The following LRRTM4 variants were observed in gnomAD, a reference collection of about 807,000 sequenced individuals.
LRRTM4 encodes leucine-rich repeat transmembrane neuronal protein 4.
In LRRTM4, 25 loss-of-function variants were observed where a neutral mutation model predicts 47.6. The ratio of observed to expected loss-of-function variants is 0.53; its 90% CI spans 0.38 to 0.73. The LOEUF (loss-of-function observed/expected upper bound fraction) is 0.73, where lower values mean the gene tolerates loss of function less well. Ranked by LOEUF, LRRTM4 falls within the 30% of genes least tolerant of loss-of-function variation. The pLI is 0.00. For synonymous variants in LRRTM4, 311 were observed against 269.5 expected (o/e 1.15, Z -1.51); for missense variants, 638 against 713.4 (o/e 0.89, Z 1.20).
At chr2:76,781,241 C>T (rs1020710488) in intron 3 of LRRTM4, among the ~76,000 whole-genome samples, 1 of 152,242 alleles carries the variant, frequency 6.6e-6, no homozygotes, top group Non-Finnish European at 1.5e-5. Context: ...GTGGAGCCTA[C>T]AGAGGCAGGC....
At chr2:77,286,632 G>A (rs1676667662) in intron 3 of LRRTM4, among the ~76,000 whole-genome samples, 1 of 150,702 alleles carries the variant, frequency 6.6e-6, no homozygotes, top group Admixed American at 6.6e-5. Context: ...AAAGAAGAAA[G>A]TCATACTGTA....
At chr2:77,328,022 A>T (rs1204705718) in intron 3 of LRRTM4, among the ~76,000 whole-genome samples, 2 of 152,156 alleles carry the variant, frequency 1.3e-5, no homozygotes, top group African/African-American at 4.8e-5. Context: ...CATTTCACAG[A>T]TTTACAACTG....
rs1252814241 is a variant in LRRTM4 at position 77,465,924 on chromosome 2, A to G, written c.1551+52394T>C. ...AGGGAGCTGGCACCTAGGTAATGAT[A>G]AAAGCAGCAGGCTTCTCAAATGCAA... On this transcript the variant is annotated intron_variant, in intron 3 of 3. Coordinates refer to ENST00000409884, the MANE Select transcript of LRRTM4 (RefSeq NM_001134745.3). 7.9e-3 allele frequency among the ~76,000 whole-genome samples: 1,205 copies of G among 152,254 alleles called. 5 individuals are homozygous for G. The highest frequency in any genetic ancestry group is 0.012 in the Non-Finnish European group (788 of 68,012).
At chr2:77,052,137 A>G (rs1034100399) in intron 3 of LRRTM4, among the ~76,000 whole-genome samples, 2 of 143,902 alleles carry the variant, frequency 1.4e-5, no homozygotes, top group Non-Finnish European at 3.0e-5. Context: ...AAAAAAAAAT[A>G]CCGTTACATT....
intron 3 of LRRTM4, among the ~76,000 whole-genome samples, chr2:76,926,262 A>G (rs1325583205): frequency 6.6e-6 from 1 of 152,110 alleles, no homozygotes; most frequent in African/African-American, 2.4e-5. Context: ...CTTTTTAAAC[A>G]TAGAGAAAAT....
chr2:76,797,244 C>G (rs1038982699), intron 3 of LRRTM4, among the ~76,000 whole-genome samples: 3 of 151,914 alleles, frequency 2.0e-5, no homozygotes, highest in African/African-American at 7.3e-5. Flanking sequence ...AAAGGGAAGC[C>G]CATCAGACAA....
intron 3 of LRRTM4, among the ~76,000 whole-genome samples, chr2:76,802,901 C>T (rs905691145): frequency 6.6e-6 from 1 of 151,970 alleles, no homozygotes; most frequent in Non-Finnish European, 1.5e-5. Flanking sequence ...TATTCATTTG[C>T]AGAAAAATGA....
At chr2:76,841,280 T>TG (rs1671668332) in intron 3 of LRRTM4, among the ~76,000 whole-genome samples, 1 of 121,952 alleles carries the variant, frequency 8.2e-6, no homozygotes, top group South Asian at 2.7e-4. Context: ...TGTTGTGGGG[T>TG]GGGGGGAGTG....
At chr2:76,956,026 G>T (rs550659758) in intron 3 of LRRTM4, among the ~76,000 whole-genome samples, 26 of 151,032 alleles carry the variant, frequency 1.7e-4, no homozygotes, top group Non-Finnish European at 3.2e-4. Context: ...AAAGCCTAGA[G>T]AGGTTGAATG....
intron 3 of LRRTM4, among the ~76,000 whole-genome samples, chr2:77,514,984 C>G (rs1009098294): frequency 6.6e-6 from 1 of 151,772 alleles, no homozygotes; most frequent in Non-Finnish European, 1.5e-5. Context: ...ATTTGCATTT[C>G]CTGTCTATAT....
At chr2:77,501,155 T>C (rs757642740) in intron 3 of LRRTM4, among the ~76,000 whole-genome samples, 6 of 150,562 alleles carry the variant, frequency 4.0e-5, no homozygotes, top group Non-Finnish European at 7.4e-5. Flanking sequence ...TATCATTTTA[T>C]AACTAAATGT....
Position 76,827,459 on chromosome 2 carries a change from T to A in LRRTM4, c.1552-78543A>T, listed in dbSNP as rs77653265. Reference sequence around the variant, plus strand: ...CCCTTAAAACCAAAGCACAACATGCTACACTGTTTCCTGTGAATGCAACTC... The same window carrying A: ...CCCTTAAAACCAAAGCACAACATGCAACACTGTTTCCTGTGAATGCAACTC... On this transcript the variant is annotated intron_variant, in intron 3 of 3. Coordinates refer to ENST00000409884, the MANE Select transcript of LRRTM4 (RefSeq NM_001134745.3). 3.2e-4 allele frequency among the ~76,000 whole-genome samples: 49 copies of A among 151,960 alleles called. No individual in the cohort carries two copies. In the East Asian group the frequency reaches 8.9e-3, roughly 28 times the overall value.
chr2:77,419,489 T>G (rs2103877932), intron 3 of LRRTM4, among the ~76,000 whole-genome samples: 1 of 152,306 alleles, frequency 6.6e-6, no homozygotes, highest in Admixed American at 6.5e-5. Context: ...TTATAATACT[T>G]AACGCAATGT....
At chr2:77,207,866 CTTTTTTTTTTTTT>C (rs754540782) in intron 3 of LRRTM4, among the ~76,000 whole-genome samples, 7 of 42,594 alleles carry the variant, frequency 1.6e-4, no homozygotes, top group South Asian at 1.2e-3. Context: ...GGGAAAGTGG[CTTTTTTTTTTTTT>C]TTTTTTTTTT....
chr2:77,350,393 T>A (rs1671724213), intron 3 of LRRTM4, among the ~76,000 whole-genome samples: 2 of 131,800 alleles, frequency 1.5e-5, no homozygotes, highest in African/African-American at 5.5e-5. Flanking sequence ...TGTTACAATA[T>A]GAATTTAGAA....
intron 3 of LRRTM4, among the ~76,000 whole-genome samples, chr2:76,756,449 A>T (rs1408738103): frequency 6.6e-6 from 1 of 152,150 alleles, no homozygotes; most frequent in Non-Finnish European, 1.5e-5. Context: ...TCTTGGGTTT[A>T]TCTTTTCTCC....
In LRRTM4 at chr2:76,962,054, T is replaced by C. The variant is rs13416111; in HGVS notation, c.1552-213138A>G. Among the ~76,000 whole-genome samples the C allele has an allele frequency of 9.9e-3, 1,501 of 151,346 alleles. 24 individuals are homozygous for C. The highest frequency in any genetic ancestry group is 0.035 in the African/African-American group (1,452 of 41,456). ...AGAGCATGCTTCATGCATGTATACA[T>C]GTTGAATCTAAGCCCTTATAGAGTC... On this transcript the variant is annotated intron_variant, in intron 3 of 3. Coordinates refer to ENST00000409884, the MANE Select transcript of LRRTM4 (RefSeq NM_001134745.3).
At chr2:76,977,209 A>C (rs1676451865) in intron 3 of LRRTM4, among the ~76,000 whole-genome samples, 1 of 151,560 alleles carries the variant, frequency 6.6e-6, no homozygotes, top group Non-Finnish European at 1.5e-5. Flanking sequence ...TGACATCAGC[A>C]ACCATCCTTT....
chr2:77,270,884 G>A (rs1676172713), intron 3 of LRRTM4, among the ~76,000 whole-genome samples: 1 of 152,136 alleles, frequency 6.6e-6, no homozygotes. Flanking sequence ...ACACTGCCGT[G>A]CCCACTTTAG....
Sources: gnomAD v4.1 joint callset for allele counts (sites outside exome capture counted in the v4.1 genomes callset) on GRCh38, gnomAD v4.1.1 for gene constraint, MANE v1.5 for transcripts, NCBI Gene and HGNC (gene_info 2026-07-23, HGNC 2026-07-21) for gene names.